Variants in TPTE observed in about 807,000 individuals in gnomAD.
TPTE encodes the protein transmembrane phosphatase with tensin homology.
In TPTE, 59 loss-of-function variants were observed where a neutral mutation model predicts 84.1. The observed-to-expected ratio is 0.70, with a 90% CI of 0.57 to 0.87. The LOEUF (loss-of-function observed/expected upper bound fraction) is 0.87, where lower values mean the gene tolerates loss of function less well. Ranked by LOEUF, TPTE falls within the 40% of genes least tolerant of loss-of-function variation. TPTE has a pLI of 0.00. For synonymous variants in TPTE, 130 were observed against 223.5 expected, an observed-to-expected ratio of 0.58 and a Z score of 3.73; for missense variants, 382 against 659.6, an observed-to-expected ratio of 0.58 and a Z score of 4.61.
chr21:10,531,144 CT>C (rs2074171305), intron 3 of TPTE, among the ~76,000 whole-genome samples: 1 of 152,310 alleles, frequency 6.6e-6, no homozygotes, highest in Admixed American at 6.5e-5. Flanking sequence ...AGAATTCACT[CT>C]TTTTAGTAAC....
At chr21:10,545,750 TATATAG>T (rs2074454666) in intron 7 of TPTE, among the ~76,000 whole-genome samples, 4 of 151,768 alleles carry the variant, frequency 2.6e-5, no homozygotes, top group South Asian at 2.1e-4. Flanking sequence ...TATTTGTGTG[TATATAG>T]ATATAGATAC....
chr21:10,548,544 G>C (rs573103352), intron 7 of TPTE, among the ~76,000 whole-genome samples: 1 of 152,304 alleles, frequency 6.6e-6, no homozygotes, highest in Non-Finnish European at 1.5e-5. Flanking sequence ...GAGCAGCAGT[G>C]TGCACACATC....
chr21:10,537,223 AAG>A (rs1410089108), intron 3 of TPTE, among the ~76,000 whole-genome samples: 5 of 152,312 alleles, frequency 3.3e-5, no homozygotes, highest in Non-Finnish European at 7.3e-5. Flanking sequence ...TTCAATTGTA[AAG>A]AACTAAACAT....
chr21:10,543,578 A>G (rs1177175161), intron 7 of TPTE, among the ~76,000 whole-genome samples, 196 bp downstream of exon 7: 2 of 152,310 alleles, frequency 1.3e-5, no homozygotes, highest in Non-Finnish European at 2.9e-5. Flanking sequence ...ATTTACTCTC[A>G]GGAGCCTGCA....
At chr21:10,522,038 G>A (rs1266788433) in intron 1 of TPTE, among the ~76,000 whole-genome samples, 238 of 152,212 alleles carry the variant, frequency 1.6e-3, no homozygotes, top group African/African-American at 5.4e-3. Flanking sequence ...AGGAGCCGGA[G>A]CCGCAGGTAA....
chr21:10,589,509 C>G (rs1396190563), intron 17 of TPTE, among the ~76,000 whole-genome samples: 52 of 152,218 alleles, frequency 3.4e-4, no homozygotes, highest in African/African-American at 1.3e-3. Context: ...AAGATGGGTG[C>G]AGCCAGATAG....
At position 10,542,433 on chromosome 21, in the gene TPTE, C is replaced by G; in HGVS notation, c.104C>G (p.Ala35Gly). Residue 35 changes from alanine to glycine, a missense_variant, in exon 6 of 24, where the codon GCA (alanine) becomes GGA (glycine). This residue lies in a region of TPTE where 63 missense variants were observed against 49.5 expected (regional missense o/e 1.27). Coordinates refer to ENST00000618007, the MANE Select transcript of TPTE (RefSeq NM_199261.4). ...GAATTTAAAGGAGCAACCGAGGAGGCACCTGCGAAAGAAAGGTGAGCAATA... is the reference window on the plus strand; with the variant it reads ...GAATTTAAAGGAGCAACCGAGGAGGGACCTGCGAAAGAAAGGTGAGCAATA... ...TSEFKGATEE[A>G]PAKESPHTSE... 1 of 1,611,818 alleles carries G rather than the reference C, an allele frequency of 6.2e-7. No homozygotes were observed. The highest frequency in any genetic ancestry group is 8.5e-7 in the Non-Finnish European group (1 of 1,178,386).
chr21:10,557,325 T>C (rs2074703887), intron 8 of TPTE, among the ~76,000 whole-genome samples: 2 of 152,296 alleles, frequency 1.3e-5, no homozygotes, highest in South Asian at 2.1e-4. Flanking sequence ...TTCATTTACA[T>C]AGTACTCTTT....
Position 10,605,420 on chromosome 21 carries a change from T to A in TPTE, c.1524T>A (p.Leu508=). 6.2e-7 allele frequency: 1 copy of A among 1,614,024 alleles called. No homozygotes were observed. Among genetic ancestry groups the A allele is most frequent in the Non-Finnish European group, 8.5e-7 (1 of 1,179,912 alleles). The change falls in exon 24 of 24, where the codon CTT becomes CTA. Residue 508 remains leucine, a synonymous_variant. Transcript: ENST00000618007. ...LHTSFIENNR[L]YLPKNELDNL... is the part of the protein sequence containing the mutation. Reference sequence around the variant, plus strand: ...AATAATTTTTTTCTATTCTTAGGCTTTATCTACCAAAAAATGAATTGGATA... The same window carrying A: ...AATAATTTTTTTCTATTCTTAGGCTATATCTACCAAAAAATGAATTGGATA...
At chr21:10,525,544 T>A (rs1302878914) in intron 2 of TPTE, among the ~76,000 whole-genome samples, 1 of 152,310 alleles carries the variant, frequency 6.6e-6, no homozygotes, top group Non-Finnish European at 1.5e-5. Context: ...AATGAATATC[T>A]GTATGTGTGG....
chr21:10,558,726 T>C (rs187790084), intron 8 of TPTE, among the ~76,000 whole-genome samples: 2,081 of 149,304 alleles, frequency 0.014, no homozygotes, highest in East Asian at 0.14. Context: ...AGAAACTTCC[T>C]GAAGTCTTCT....
chr21:10,570,519 A>G lies in TPTE; in HGVS notation c.765A>G (p.Gly255=), dbSNP rs537723058. 59 of 1,614,010 alleles carry G rather than the reference A, an allele frequency of 3.7e-5. No homozygotes were observed. The African/African-American group carries it at 7.6e-4, about 21-fold the overall frequency. ...TTGCTATGTCATTTCCATCTTCTGGAAGGCAGTCTTTCTATAGAAATCCAA... is the reference window on the plus strand; with the variant it reads ...TTGCTATGTCATTTCCATCTTCTGGGAGGCAGTCTTTCTATAGAAATCCAA... ...RIIAMSFPSS[G]RQSFYRNPIK... Residue 255 remains glycine, a synonymous_variant, in exon 14 of 24, where the codon GGA becomes GGG. Transcript: ENST00000618007.
intron 4 of TPTE, among the ~76,000 whole-genome samples, chr21:10,539,136 G>A (rs1369311967): frequency 6.6e-6 from 1 of 152,310 alleles, no homozygotes; most frequent in Non-Finnish European, 1.5e-5. Flanking sequence ...CAGCTTAAAG[G>A]ACTCAGATTT....
chr21:10,522,995 C>G (rs1475980411), intron 1 of TPTE, among the ~76,000 whole-genome samples: 1 of 152,304 alleles, frequency 6.6e-6, no homozygotes, highest in Non-Finnish European at 1.5e-5. Flanking sequence ...CAAGTCCTAT[C>G]AACCTTGTCT....
intron 3 of TPTE, among the ~76,000 whole-genome samples, chr21:10,533,119 ATTC>A (rs1178497443): frequency 2.0e-5 from 3 of 152,306 alleles, no homozygotes; most frequent in Non-Finnish European, 2.9e-5. Flanking sequence ...CCTCCATAAC[ATTC>A]TTCTTTAGTA....
intron 17 of TPTE, among the ~76,000 whole-genome samples, chr21:10,583,429 C>T (rs2075304229): frequency 6.6e-6 from 1 of 152,304 alleles, no homozygotes; most frequent in Admixed American, 6.5e-5. Flanking sequence ...CTGGATTATT[C>T]ATCTTTTTTT....
At chr21:10,536,758 A>G (rs2074274171) in intron 3 of TPTE, among the ~76,000 whole-genome samples, 1 of 152,312 alleles carries the variant, frequency 6.6e-6, no homozygotes, top group South Asian at 2.1e-4. Flanking sequence ...ATAAAAAAGG[A>G]ACAGGGCAAA....
At chr21:10,535,126 ACT>A (rs2145597793) in intron 3 of TPTE, among the ~76,000 whole-genome samples, 1 of 152,428 alleles carries the variant, frequency 6.6e-6, no homozygotes, top group Admixed American at 6.5e-5. Flanking sequence ...TGGCAGGTAG[ACT>A]CTTGTCTAGA....
chr21:10,572,930 A>T (rs1336437089), intron 14 of TPTE, among the ~76,000 whole-genome samples: 6 of 152,306 alleles, frequency 3.9e-5, no homozygotes, highest in African/African-American at 1.4e-4. Flanking sequence ...AGAACAAAGG[A>T]TATACAAAAC....
Sources: allele counts gnomAD v4.1 joint callset (sites outside exome capture counted in the v4.1 genomes callset), GRCh38; gene constraint gnomAD v4.1.1; regional missense constraint gnomAD v4.1.1; transcripts MANE v1.5; gene names NCBI Gene and HGNC (gene_info 2026-07-23, HGNC 2026-07-21).